PITRM1: variants seen among roughly 807,000 people sequenced by gnomAD.
PITRM1 encodes the protein pitrilysin metallopeptidase 1.
In PITRM1, 100 loss-of-function variants were observed where a neutral mutation model predicts 129.9. The ratio of observed to expected loss-of-function variants is 0.77; its 90% CI spans 0.65 to 0.91. The LOEUF (loss-of-function observed/expected upper bound fraction) is 0.91. PITRM1 is among the 40% of genes least tolerant of loss of function. The pLI is 0.00. For missense variants in PITRM1, 1,471 were observed against 1,318.3 expected (o/e 1.12, Z -1.79); for synonymous variants, 591 against 508.8 (o/e 1.16, Z -2.17).
In PITRM1 at chr10:3,138,314, G is replaced by A; in HGVS notation, c.2941C>T (p.Leu981Phe). 2 of 1,613,532 alleles carry A rather than the reference G, an allele frequency of 1.2e-6. No individual in the cohort carries two copies. The highest frequency in any genetic ancestry group is 1.7e-6 in the Non-Finnish European group (2 of 1,179,500). Reference protein sequence around the residue: ...DKGMDHFLYGLSDEMKQAHRE... With the variant: ...DKGMDHFLYGFSDEMKQAHRE... ...TGGGCCTGCTTCATCTCATCCGAGAGGCCGTACAAGAAGTGGTCCATTCCT... is the reference window on the plus strand; with the variant it reads ...TGGGCCTGCTTCATCTCATCCGAGAAGCCGTACAAGAAGTGGTCCATTCCT... Residue 981 changes from leucine to phenylalanine, a missense_variant, in exon 26 of 27, where the codon CTC becomes TTC. Coordinates refer to ENST00000224949, the MANE Select transcript of PITRM1 (RefSeq NM_014889.4).
chr10:3,170,430 T>C (rs56164020), intron 1 of PITRM1, among the ~76,000 whole-genome samples: 20,231 of 152,190 alleles, frequency 0.13, 1,372 homozygotes, highest in Non-Finnish European at 0.15. Flanking sequence ...GGAAACCTTT[T>C]CTTTACACTT....
intron 24 of PITRM1, among the ~76,000 whole-genome samples, chr10:3,139,896 G>C (rs181029651): frequency 1.3e-5 from 2 of 152,168 alleles, no homozygotes; most frequent in Admixed American, 1.3e-4. Context: ...CAAGAATATT[G>C]CTTTACAGTA....
chr10:3,143,478 C>T lies in PITRM1; in HGVS notation c.2556G>A (p.Gln852=). 1 of 1,613,376 alleles carries T rather than the reference C, an allele frequency of 6.2e-7. No individual in the cohort carries two copies. The highest frequency in any genetic ancestry group is 1.3e-5 in the African/African-American group (1 of 75,052). The change falls in exon 23 of 27, where the codon CAG becomes CAA. Residue 852 remains glutamine (Q), a synonymous_variant. Coordinates refer to ENST00000224949, the MANE Select transcript of PITRM1 (RefSeq NM_014889.4). ...LVMEPTFKPW[Q]MKTHFLMPFP... is the part of the protein sequence containing the mutation. ...AGGGCATCAGGAAGTGAGTCTTCATCTGCCAGGGCTTGAAGGTGGGTTCCT... is the reference window on the plus strand; with the variant it reads ...AGGGCATCAGGAAGTGAGTCTTCATTTGCCAGGGCTTGAAGGTGGGTTCCT...
Position 3,165,518 on chromosome 10 carries a change from T to C in PITRM1, c.428A>G (p.Tyr143Cys), listed in dbSNP as rs1403595601. The change falls in exon 5 of 27, where the codon TAT (tyrosine) becomes TGT (cysteine). Residue 143 changes from tyrosine to cysteine, a missense_variant. Transcript: ENST00000224949. Reference protein sequence around the residue: ...TFMNAFTASDYTLYPFSTQNP... With the variant: ...TFMNAFTASDCTLYPFSTQNP... The stretch of plus-strand genomic sequence containing the variant: ...TTGTGTGGAAAATGGATACAGAGTA[T>C]AATCACTAGCTGGGTACAAATGAAA... The C allele has an allele frequency of 3.8e-6, 6 of 1,559,864 alleles. No homozygotes were observed. The East Asian group carries it at 1.3e-4, about 35-fold the overall frequency.
chr10:3,171,154 A>T (rs1385535407), intron 1 of PITRM1, among the ~76,000 whole-genome samples: 1 of 76,130 alleles, frequency 1.3e-5, no homozygotes, highest in African/African-American at 4.8e-5. Context: ...AATTAAAAAA[A>T]AAAAAAAAAA....
rs1841920193 is a variant in PITRM1 at position 3,155,692 on chromosome 10, T to C, written c.1520A>G (p.Asp507Gly). The change falls in exon 14 of 27, where the codon GAT becomes GGT. Residue 507 changes from aspartate to glycine, a missense_variant. Coordinates refer to ENST00000224949, the MANE Select transcript of PITRM1 (RefSeq NM_014889.4). The part of the protein sequence containing the change: ...QHKLTLSMRP[D>G]DKYHEKQAQV... ...TGCCTGCTTCTCGTGATACTTGTCA[T>C]CTGGCCTCATCGATAAAGTCAGCTT... 6.2e-7 allele frequency: 1 copy of C among 1,613,824 alleles called. No individual in the cohort carries two copies. The highest frequency in any genetic ancestry group is 1.1e-5 in the South Asian group (1 of 91,078).
chr10:3,161,385 A>G (rs1375036269), intron 7 of PITRM1, among the ~76,000 whole-genome samples: 3 of 152,264 alleles, frequency 2.0e-5, no homozygotes, highest in Non-Finnish European at 4.4e-5. Context: ...ACCAGAGGAA[A>G]AAGGTTACAA....
intron 3 of PITRM1, 114 bp from the exon 4 acceptor site, chr10:3,166,494 C>T: frequency 2.1e-6 from 1 of 482,574 alleles, no homozygotes; most frequent in Non-Finnish European, 3.6e-6. Context: ...CACCACAATC[C>T]TCCAGCACAG....
chr10:3,151,442 C>A, intron 14 of PITRM1, 79 bp from the exon 15 acceptor site: 2 of 875,486 alleles, frequency 2.3e-6, no homozygotes, highest in Non-Finnish European at 3.7e-6. Flanking sequence ...ATGTTATTAT[C>A]TTAACATCCA....
chr10:3,167,343 GA>G (rs1842962414), intron 2 of PITRM1, among the ~76,000 whole-genome samples: 1 of 152,220 alleles, frequency 6.6e-6, no homozygotes, highest in Non-Finnish European at 1.5e-5. Context: ...AGGTATTTTA[GA>G]TTTTTTTATT....
At chr10:3,139,603 G>A (rs1053295821) in intron 24 of PITRM1, among the ~76,000 whole-genome samples, 17 of 152,214 alleles carry the variant, frequency 1.1e-4, no homozygotes, top group African/African-American at 3.9e-4. Context: ...CAGCAAGGGG[G>A]AGAACTCATC....
In PITRM1 at chr10:3,143,468, G is replaced by T. The variant is rs769525627; in HGVS notation, c.2566C>A (p.His856Asn). The T allele has an allele frequency of 8.9e-5, 143 of 1,613,522 alleles. No homozygotes were observed. The highest frequency in any genetic ancestry group is 1.1e-4 in the Non-Finnish European group (132 of 1,179,546). Residue 856 changes from histidine (H) to asparagine (N), a missense_variant, in exon 23 of 27, where the codon CAC (histidine) becomes AAC (asparagine). Transcript: ENST00000224949. ...PTFKPWQMKT[H>N]FLMPFPVNYV... ...TTCACCGGGAAGGGCATCAGGAAGT[G>T]AGTCTTCATCTGCCAGGGCTTGAAG... is the stretch of plus-strand genomic sequence containing the variant.
In PITRM1 at chr10:3,166,998, G is replaced by A. The variant is rs1842920540; in HGVS notation, c.204C>T (p.Thr68=). ...AATACCTGGCTCCTGTGTCATCATGGGTGAGCTTCACTGCAGTCAGGAACA... is the reference window on the plus strand; with the variant it reads ...AATACCTGGCTCCTGTGTCATCATGAGTGAGCTTCACTGCAGTCAGGAACA... ...PELFLTAVKL[T]HDDTGARYLH... Residue 68 remains threonine (T), a synonymous_variant, in exon 3 of 27, where the codon ACC becomes ACT. Coordinates refer to ENST00000224949, the MANE Select transcript of PITRM1 (RefSeq NM_014889.4). 5.0e-6 allele frequency: 8 copies of A among 1,610,976 alleles called. No individual in the cohort carries two copies. The highest frequency in any genetic ancestry group is 6.8e-6 in the Non-Finnish European group (8 of 1,178,506).
intron 1 of PITRM1, among the ~76,000 whole-genome samples, chr10:3,170,821 G>C (rs2132531255): frequency 6.6e-6 from 1 of 152,170 alleles, no homozygotes; most frequent in African/African-American, 2.4e-5. Flanking sequence ...AAATTAGCCT[G>C]ATGTGGTGGC....
chr10:3,151,319 A>G lies in PITRM1; in HGVS notation c.1666T>C (p.Cys556Arg). The change falls in exon 15 of 27, where the codon TGT (cysteine) becomes CGT (arginine). Residue 556 changes from cysteine to arginine, a missense_variant. Coordinates refer to ENST00000224949, the MANE Select transcript of PITRM1 (RefSeq NM_014889.4). ...TCGGAAACTTTCAACGCTGGCAGAC[A>G]AGAGGCATCTTGAGGTTTGCTTTGT... ...SQQSKPQDAS[C>R]LPALKVSDIE... The G allele has an allele frequency of 6.2e-7, 1 of 1,611,502 alleles. No homozygotes were observed. The highest frequency in any genetic ancestry group is 8.5e-7 in the Non-Finnish European group (1 of 1,178,848).
intron 2 of PITRM1, among the ~76,000 whole-genome samples, chr10:3,169,717 G>T (rs535878079): frequency 6.6e-6 from 1 of 152,338 alleles, no homozygotes; most frequent in Admixed American, 6.5e-5. Context: ...AAACTGAAAG[G>T]TTCTGCGGAC....
Position 3,165,138 on chromosome 10 carries a change from A to G in PITRM1, c.630+100T>C. 3.4e-6 allele frequency: 3 copies of G among 890,206 alleles called. No individual in the cohort carries two copies. The South Asian group carries it at 5.4e-5, about 16-fold the overall frequency. 55.1% of individuals were successfully genotyped at this position (890,206 alleles called of 1,614,324 possible). On this transcript the variant is annotated intron_variant, in intron 6 of 26. Coordinates refer to ENST00000224949, the MANE Select transcript of PITRM1 (RefSeq NM_014889.4). ...GCTAATTCAAGAATGTATCACCTAT[A>G]ATGAGAATATTAAATAAAATCTTCC...
chr10:3,161,621 A>T (rs1842444276), intron 7 of PITRM1, among the ~76,000 whole-genome samples: 1 of 151,544 alleles, frequency 6.6e-6, no homozygotes, highest in Non-Finnish European at 1.5e-5. Context: ...TCCCTGGGGA[A>T]ACAGACAGTT....
chr10:3,170,042 G>C (rs1827900874), intron 2 of PITRM1, 62 bp downstream of exon 2: 2 of 1,273,390 alleles, frequency 1.6e-6, no homozygotes, highest in South Asian at 1.2e-5. Flanking sequence ...TCCGTACATA[G>C]GCCAGAAGCC....
Sources: gnomAD v4.1 joint callset for allele counts (sites outside exome capture counted in the v4.1 genomes callset) on GRCh38, gnomAD v4.1.1 for gene constraint, MANE v1.5 for transcripts, NCBI Gene and HGNC (gene_info 2026-07-23, HGNC 2026-07-21) for gene names.